The following TMEM178B variants were observed in gnomAD, a reference collection of about 807,000 sequenced individuals.
TMEM178B encodes the protein transmembrane protein 178B.
A neutral mutation model predicts 31.0 loss-of-function variants in TMEM178B; 5 were observed. The ratio of observed to expected loss-of-function variants is 0.16; its 90% CI spans 0.08 to 0.34. The LOEUF (loss-of-function observed/expected upper bound fraction) is 0.34, where lower values mean the gene tolerates loss of function less well. Ranked by LOEUF, TMEM178B falls within the 10% of genes least tolerant of loss-of-function variation. The probability of loss-of-function intolerance (pLI) is 1.00; values close to 1 mark genes in which losing one functional copy is unlikely to be tolerated. For synonymous variants in TMEM178B, 164 were observed against 164.0 expected (o/e 1.00, Z 0.00); for missense variants, 275 against 400.3 (o/e 0.69, Z 2.67).
downstream of TMEM178B, among the ~76,000 whole-genome samples, chr7:141,482,769 C>G (rs1563194930): frequency 2.0e-5 from 3 of 152,194 alleles, no homozygotes. Flanking sequence ...AGACCAGAAG[C>G]AAGTGTCCAG....
chr7:141,482,169 G>C (rs1381405683), downstream of TMEM178B, among the ~76,000 whole-genome samples: 3 of 152,180 alleles, frequency 2.0e-5, no homozygotes, highest in Non-Finnish European at 4.4e-5. Flanking sequence ...CCTCACCTTA[G>C]CTTCAGAGCT....
At chr7:141,149,763 C>G (rs1795930740) in intron 1 of TMEM178B, among the ~76,000 whole-genome samples, 1 of 152,218 alleles carries the variant, frequency 6.6e-6, no homozygotes, top group Admixed American at 6.5e-5. Context: ...CCACCAGAAG[C>G]TGGGAAGAGA....
At chr7:141,456,888 A>G (rs973131813) in intron 3 of TMEM178B, among the ~76,000 whole-genome samples, 20 of 152,120 alleles carry the variant, frequency 1.3e-4, no homozygotes, top group African/African-American at 4.3e-4. Flanking sequence ...TGTAGGTGCC[A>G]CTCTCAGTTT....
At chr7:141,229,100 G>GTGTGTGTGTGTGT (rs1554465447) in intron 2 of TMEM178B, among the ~76,000 whole-genome samples, 15 of 134,782 alleles carry the variant, frequency 1.1e-4, no homozygotes, top group African/African-American at 3.7e-4. Context: ...GTGTGTGTGT[G>GTGTGTGTGTGTGT]GTGTGTGTGT....
At chr7:141,277,916 T>C (rs181321600) in intron 2 of TMEM178B, among the ~76,000 whole-genome samples, 1 of 152,302 alleles carries the variant, frequency 6.6e-6, no homozygotes, top group East Asian at 1.9e-4. Flanking sequence ...CATAAAAGTA[T>C]ACAACATTCC....
chr7:141,345,125 T>C (rs1799596444), intron 2 of TMEM178B, among the ~76,000 whole-genome samples: 1 of 152,230 alleles, frequency 6.6e-6, no homozygotes, highest in Non-Finnish European at 1.5e-5. Context: ...TCATATATAT[T>C]GCTACTTTGC....
chr7:141,297,819 G>A (rs1443613923), intron 2 of TMEM178B, among the ~76,000 whole-genome samples: 1 of 152,178 alleles, frequency 6.6e-6, no homozygotes, highest in Non-Finnish European at 1.5e-5. Context: ...ATAAACGTAC[G>A]TGTGCATGTG....
At chr7:141,279,372 T>C (rs1417948170) in intron 2 of TMEM178B, among the ~76,000 whole-genome samples, 2 of 152,272 alleles carry the variant, frequency 1.3e-5, no homozygotes, top group Non-Finnish European at 2.9e-5. Context: ...TAAAGGGTTT[T>C]GTTTTTAAAA....
chr7:141,329,079 C>T (rs1799249242), intron 2 of TMEM178B, among the ~76,000 whole-genome samples: 1 of 152,042 alleles, frequency 6.6e-6, no homozygotes, highest in Non-Finnish European at 1.5e-5. Context: ...AACCCTGAAA[C>T]CTTGGAATGG....
intron 2 of TMEM178B, among the ~76,000 whole-genome samples, chr7:141,235,190 CA>C (rs1797508864): frequency 6.6e-6 from 1 of 152,148 alleles, no homozygotes; most frequent in South Asian, 2.1e-4. Context: ...TGACCTTTAC[CA>C]AATTTCAGAA....
At chr7:141,232,234 A>G (rs1411292489) in intron 2 of TMEM178B, among the ~76,000 whole-genome samples, 2 of 152,164 alleles carry the variant, frequency 1.3e-5, no homozygotes, top group African/African-American at 4.8e-5. Flanking sequence ...AGTTGACTCT[A>G]TGTCTTTGCT....
intron 3 of TMEM178B, among the ~76,000 whole-genome samples, chr7:141,466,112 TC>T (rs1412555472): frequency 6.6e-6 from 1 of 152,212 alleles, no homozygotes; most frequent in African/African-American, 2.4e-5. Context: ...TTCCAACTCT[TC>T]CCTCTTTGAC....
At chr7:141,083,639 TC>T (rs1469779594) in intron 1 of TMEM178B, among the ~76,000 whole-genome samples, 1 of 152,242 alleles carries the variant, frequency 6.6e-6, no homozygotes, top group African/African-American at 2.4e-5. Flanking sequence ...GAACTTTTCC[TC>T]TTTCAAATGG....
At chr7:141,506,482 G>A in the TMEM178B span, among the ~76,000 whole-genome samples, 2 of 152,172 alleles carry the variant, frequency 1.3e-5, no homozygotes, top group Admixed American at 1.3e-4. Flanking sequence ...AGAAACCCCT[G>A]ATAAACCCAT....
At chr7:141,128,747 T>C (rs1795547257) in intron 1 of TMEM178B, among the ~76,000 whole-genome samples, 1 of 152,140 alleles carries the variant, frequency 6.6e-6, no homozygotes, top group South Asian at 2.1e-4. Context: ...CTTCTCCTGC[T>C]AAGAGAACAA....
Position 141,331,486 on chromosome 7 carries a change from C to T in TMEM178B, c.497-106122C>T, listed in dbSNP as rs537053360. ...TTGGTGGGTTAAGAAAAAAGAGGAC[C>T]GATGAGCTTCCCTTGGAATTAGCAG... On this transcript the variant is annotated intron_variant, in intron 2 of 3. Transcript: ENST00000565468. Among the ~76,000 whole-genome samples, 4 of 152,120 alleles carry T rather than the reference C, an allele frequency of 2.6e-5. No individual in the cohort carries two copies. The South Asian group carries it at 6.2e-4, about 24-fold the overall frequency.
chr7:141,423,454 TTTACAC>T (rs1404684196), intron 2 of TMEM178B, among the ~76,000 whole-genome samples: 8 of 152,236 alleles, frequency 5.3e-5, no homozygotes. Flanking sequence ...TGGTACGTAT[TTTACAC>T]TTACAGCCTG....
At chr7:141,399,863 T>G (rs2116617435) in intron 2 of TMEM178B, among the ~76,000 whole-genome samples, 1 of 152,316 alleles carries the variant, frequency 6.6e-6, no homozygotes, top group South Asian at 2.1e-4. Context: ...ACTTTGGGTC[T>G]TGAAATTTTC....
intron 3 of TMEM178B, among the ~76,000 whole-genome samples, chr7:141,467,098 A>G (rs1006037386): frequency 5.3e-5 from 8 of 152,110 alleles, no homozygotes; most frequent in African/African-American, 1.4e-4. Flanking sequence ...GCCCCACACA[A>G]GGATTCAAGC....
Sources: allele counts gnomAD v4.1 joint callset (sites outside exome capture counted in the v4.1 genomes callset), GRCh38; gene constraint gnomAD v4.1.1; transcripts MANE v1.5; gene names NCBI Gene and HGNC (gene_info 2026-07-23, HGNC 2026-07-21).